ZMAT3: variants seen among roughly 807,000 people sequenced by gnomAD.
ZMAT3 encodes zinc finger matrin-type 3.
Under a neutral mutation model 32.3 loss-of-function variants are expected in ZMAT3, and 17 were observed. The observed-to-expected ratio is 0.53, with a 90% CI of 0.36 to 0.79. The LOEUF is 0.79. Ranked by LOEUF, ZMAT3 falls within the 30% of genes least tolerant of loss-of-function variation. The probability of loss-of-function intolerance (pLI) is 0.00; values close to 1 mark genes in which losing one functional copy is unlikely to be tolerated. For synonymous variants in ZMAT3, 120 were observed against 133.1 expected, an observed-to-expected ratio of 0.90 and a Z score of 0.68; for missense variants, 329 against 359.7, an observed-to-expected ratio of 0.91 and a Z score of 0.69.
intron 2 of ZMAT3, among the ~76,000 whole-genome samples, chr3:179,042,587 G>A (rs1490212118): frequency 1.3e-5 from 2 of 152,104 alleles, no homozygotes; most frequent in African/African-American, 4.8e-5. Context: ...AATAATAAGA[G>A]CTATTTATGA....
At chr3:179,041,603 T>C (rs780283371) in intron 2 of ZMAT3, among the ~76,000 whole-genome samples, 1 of 152,224 alleles carries the variant, frequency 6.6e-6, no homozygotes, top group Admixed American at 6.5e-5. Context: ...GGGAAATTTA[T>C]AGCACTAAAT....
Position 179,017,647 on chromosome 3 carries a change from T to C in ZMAT3, c.*7370A>G, listed in dbSNP as rs1718340229. On this transcript the variant is annotated 3_prime_UTR_variant, in exon 6 of 6. Coordinates refer to ENST00000311417, the MANE Select transcript of ZMAT3 (RefSeq NM_022470.4). ...TAGCTATATCCTTTATCAAAGATAGTTCTAGTGAAATAGCAAAAGCAGTTT... is the reference window on the plus strand; with the variant it reads ...TAGCTATATCCTTTATCAAAGATAGCTCTAGTGAAATAGCAAAAGCAGTTT... 1 of 152,210 alleles carries C rather than the reference T, an allele frequency of 6.6e-6. No homozygotes were observed. The highest frequency in any genetic ancestry group is 1.5e-5 in the Non-Finnish European group (1 of 68,026). The allele number at this position is 152,210 out of a possible 1,614,324, so 9.4% of individuals were successfully genotyped here.
At chr3:179,033,061 G>T (rs1222644662) in intron 2 of ZMAT3, among the ~76,000 whole-genome samples, 1 of 152,252 alleles carries the variant, frequency 6.6e-6, no homozygotes, top group Non-Finnish European at 1.5e-5. Context: ...GAAGTGTGGG[G>T]AAAGGAAAGA....
At chr3:179,034,934 T>C (rs563759912) in intron 2 of ZMAT3, among the ~76,000 whole-genome samples, 3 of 152,322 alleles carry the variant, frequency 2.0e-5, no homozygotes, top group South Asian at 4.1e-4. Context: ...GGTACCAACA[T>C]TTTTCATTTG....
chr3:179,057,971 G>T (rs951925329), intron 2 of ZMAT3, among the ~76,000 whole-genome samples: 1 of 152,172 alleles, frequency 6.6e-6, no homozygotes, highest in Non-Finnish European at 1.5e-5. Flanking sequence ...TTGCCAACAG[G>T]ACAAGATTTT....
At chr3:179,054,409 G>A (rs1560095571) in intron 2 of ZMAT3, among the ~76,000 whole-genome samples, 3 of 152,092 alleles carry the variant, frequency 2.0e-5, no homozygotes, top group Non-Finnish European at 4.4e-5. Context: ...CTCAAAGTCC[G>A]CGATTTCAGG....
rs1165319645 is a variant in ZMAT3, at chr3:179,022,395, A to G, written c.*2622T>C. 2 of 152,092 alleles carry G rather than the reference A, an allele frequency of 1.3e-5. No individual in the cohort carries two copies. Among genetic ancestry groups the G allele is most frequent in the Admixed American group, 6.5e-5 (1 of 15,268 alleles). The allele number at this position is 152,092 out of a possible 1,614,324, so 9.4% of individuals were successfully genotyped here. On this transcript the variant is annotated 3_prime_UTR_variant, in exon 6 of 6. Transcript: ENST00000311417. ...TGTTATTTGAAATAAGGGTTGAAATACCTCTCTATGACAACATATATGTAC... is the reference window on the plus strand; with the variant it reads ...TGTTATTTGAAATAAGGGTTGAAATGCCTCTCTATGACAACATATATGTAC...
At chr3:179,037,336 A>AC (rs1719652577) in intron 2 of ZMAT3, among the ~76,000 whole-genome samples, 1 of 152,050 alleles carries the variant, frequency 6.6e-6, no homozygotes, top group African/African-American at 2.4e-5. Context: ...GAGCTGTAAC[A>AC]CCCCTTGGGA....
chr3:179,043,922 T>C (rs1720087543), intron 2 of ZMAT3, among the ~76,000 whole-genome samples: 1 of 152,138 alleles, frequency 6.6e-6, no homozygotes, highest in African/African-American at 2.4e-5. Context: ...TATGAGGATA[T>C]GAACAGACAC....
chr3:179,037,459 T>C (rs759692617), intron 2 of ZMAT3, among the ~76,000 whole-genome samples: 32 of 152,146 alleles, frequency 2.1e-4, no homozygotes, highest in Non-Finnish European at 3.7e-4. Context: ...AGCCATGGGC[T>C]GAGTGCAGAT....
intron 2 of ZMAT3, among the ~76,000 whole-genome samples, chr3:179,055,765 G>A (rs905417216): frequency 6.6e-6 from 1 of 152,194 alleles, no homozygotes; most frequent in Non-Finnish European, 1.5e-5. Flanking sequence ...GACATGGAGA[G>A]ATATAATGTT....
intron 1 of ZMAT3, among the ~76,000 whole-genome samples, chr3:179,070,867 G>A (rs1721673028): frequency 6.6e-6 from 1 of 152,150 alleles, no homozygotes; most frequent in Admixed American, 6.5e-5. Flanking sequence ...TGATTGGACT[G>A]GGGCCTACTC....
chr3:179,063,608 T>C (rs1049161905), intron 2 of ZMAT3, among the ~76,000 whole-genome samples: 2 of 152,376 alleles, frequency 1.3e-5, no homozygotes, highest in East Asian at 1.9e-4. Flanking sequence ...AATTCATCCG[T>C]GCTTTTTGCT....
rs1262714900 is a variant in ZMAT3, at chr3:179,046,443, T to C, written c.271-15444A>G. Among the ~76,000 whole-genome samples the C allele has an allele frequency of 6.6e-6, 1 of 152,104 alleles. No individual in the cohort carries two copies. Among genetic ancestry groups the C allele is most frequent in the Non-Finnish European group, 1.5e-5 (1 of 68,016 alleles). On this transcript the variant is annotated intron_variant, in intron 2 of 5. Coordinates refer to ENST00000311417, the MANE Select transcript of ZMAT3 (RefSeq NM_022470.4). The surrounding 1 kb of genome is among the most constrained non-coding windows in gnomAD (Gnocchi z 4.3). Reference sequence around the variant, plus strand: ...GGACAGAGCAGTGTGTGGAGACCCATATCATGAAATTTTGCTCCAAGAACT... The same window carrying C: ...GGACAGAGCAGTGTGTGGAGACCCACATCATGAAATTTTGCTCCAAGAACT...
At position 179,017,700 on chromosome 3, in the gene ZMAT3, G is replaced by C. The variant is rs1718342444; in HGVS notation, c.*7317C>G. On this transcript the variant is annotated 3_prime_UTR_variant, in exon 6 of 6. Transcript: ENST00000311417. ...AAAGTTTGCCATGCCATTCAATAAA[G>C]GGTTCTAAAGCCTCCCTTGGTTTTA... is the stretch of plus-strand genomic sequence containing the variant. The C allele has an allele frequency of 1.3e-5, 2 of 152,270 alleles. No homozygotes were observed. Among genetic ancestry groups the C allele is most frequent in the South Asian group, 4.1e-4 (2 of 4,832 alleles). The allele number at this position is 152,270 out of a possible 1,614,324, so 9.4% of individuals were successfully genotyped here. A position where few individuals can be genotyped will look rare whatever the true frequency, so the allele number is the denominator to read the frequency against.
intron 2 of ZMAT3, among the ~76,000 whole-genome samples, chr3:179,042,681 T>C: frequency 6.6e-6 from 1 of 152,184 alleles, no homozygotes; most frequent in East Asian, 1.9e-4. Flanking sequence ...GGATGCCCTC[T>C]CTCACCACTC....
intron 2 of ZMAT3, among the ~76,000 whole-genome samples, chr3:179,041,591 G>C (rs1238133950): frequency 2.6e-5 from 4 of 152,208 alleles, no homozygotes; most frequent in Non-Finnish European, 4.4e-5. Context: ...CAGTGTGGTA[G>C]AGGGAAATTT....
In ZMAT3 at chr3:179,065,556, A is replaced by G. The variant is rs1029543771; in HGVS notation, c.270+1927T>C. 1.6e-4 allele frequency among the ~76,000 whole-genome samples: 24 copies of G among 152,346 alleles called. 1 individual carries two copies. Among genetic ancestry groups the G allele is most frequent in the South Asian group, 6.2e-4 (3 of 4,824 alleles). On this transcript the variant is annotated intron_variant, in intron 2 of 5. Transcript: ENST00000311417. ...AAAAGTTTTATTAGGAGAAAAAAAGAAATAAGGTATATGTATAATCCATGG... is the reference window on the plus strand; with the variant it reads ...AAAAGTTTTATTAGGAGAAAAAAAGGAATAAGGTATATGTATAATCCATGG...
At chr3:179,068,408 A>T (rs1012557925) in intron 1 of ZMAT3, among the ~76,000 whole-genome samples, 2 of 152,038 alleles carry the variant, frequency 1.3e-5, no homozygotes, top group African/African-American at 4.8e-5. Context: ...GCTACTCAGG[A>T]GGCTGAGGCA....
Sources: allele counts gnomAD v4.1 joint callset (sites outside exome capture counted in the v4.1 genomes callset), GRCh38; gene constraint gnomAD v4.1.1; non-coding constraint Gnocchi (gnomAD v3.1); transcripts MANE v1.5; gene names NCBI Gene and HGNC (gene_info 2026-07-23, HGNC 2026-07-21).